FASN: variants seen among roughly 807,000 people sequenced by gnomAD.
The protein encoded by FASN is fatty acid synthase, also known as 3-hydroxyacyl-[acyl-carrier-protein] dehydratase.
FASN carries 50 observed loss-of-function variants against 250.0 expected under a neutral mutation model. That is an observed-to-expected ratio of 0.20 (90% CI 0.16 to 0.25). The LOEUF (loss-of-function observed/expected upper bound fraction) is 0.25, where lower values mean the gene tolerates loss of function less well. Ranked by LOEUF, FASN falls within the 10% of genes least tolerant of loss-of-function variation. The pLI is 1.00. For synonymous variants in FASN, 1,909 were observed against 1,584.0 expected (o/e 1.21, Z -4.87); for missense variants, 3,031 against 3,498.5 (o/e 0.87, Z 3.37).
chr17:82,081,871 G>A, intron 36 of FASN, 28 bp from the exon 37 acceptor site: 8 of 1,571,054 alleles, frequency 5.1e-6, no homozygotes, highest in Non-Finnish European at 6.9e-6. Context: ...GGTGGGCAGA[G>A]CTGCGGGGAG....
chr17:82,086,912 G>T, intron 21 of FASN, 138 bp downstream of exon 21: 1 of 925,302 alleles, frequency 1.1e-6, no homozygotes, highest in Non-Finnish European at 1.7e-6. Flanking sequence ...GCCATCGTGA[G>T]CTCCGGCCGG....
At chr17:82,081,053 A>G in intron 38 of FASN, 111 bp downstream of exon 38, 1 of 1,424,000 alleles carries the variant, frequency 7.0e-7, no homozygotes, top group Admixed American at 2.0e-5. Context: ...AACGCTCAGA[A>G]TGGCACCCGT....
At position 82,078,441 on chromosome 17, in the gene FASN, T is replaced by TA. The variant is rs1247293775; in HGVS notation, c.*701dup. On this transcript the variant is annotated 3_prime_UTR_variant, in exon 43 of 43. Coordinates refer to ENST00000306749, the MANE Select transcript of FASN (RefSeq NM_004104.5). This position sits in a 1 kb window ranked among gnomAD's most constrained non-coding sequence, Gnocchi z 5.4. The stretch of plus-strand genomic sequence containing the variant: ...CAGACGTGTACACTGACAGTTACAG[T>TA]AAATTTCAAAATCCAAGCAGCAATT... 3.3e-5 allele frequency: 5 copies of TA among 153,730 alleles called. No homozygotes were observed. Among genetic ancestry groups the TA allele is most frequent in the African/African-American group, 1.2e-4 (5 of 41,454 alleles). 9.5% of individuals were successfully genotyped at this position (153,730 alleles called of 1,614,324 possible).
rs1458375325 is a variant in FASN at position 82,088,887 on chromosome 17, C to G, written c.2305-11G>C. 6.2e-7 allele frequency: 1 copy of G among 1,611,652 alleles called. No homozygotes were observed. Among genetic ancestry groups the G allele is most frequent in the African/African-American group, 1.3e-5 (1 of 74,882 alleles). On this transcript the variant is annotated splice_polypyrimidine_tract_variant and intron_variant, in intron 14 of 42. Coordinates refer to ENST00000306749, the MANE Select transcript of FASN (RefSeq NM_004104.5). ...ACGCTTCAGGACAGCCTGGGGGCGG[C>G]AGGGCAGGTGGGCTCTCTTGGTGCT... is the stretch of plus-strand genomic sequence containing the variant.
At chr17:82,083,472 C>G (rs1709828396) in intron 31 of FASN, 45 bp downstream of exon 31, 2 of 1,612,612 alleles carry the variant, frequency 1.2e-6, no homozygotes, top group African/African-American at 2.7e-5. Context: ...CAGGTCCACC[C>G]ACACCCATCC....
Position 82,088,257 on chromosome 17 carries a change from C to T in FASN, c.2644G>A (p.Gly882Ser), listed in dbSNP as rs748305734. The T allele has an allele frequency of 4.3e-5, 69 of 1,606,612 alleles. No individual in the cohort carries two copies. The highest frequency in any genetic ancestry group is 5.3e-5 in the Non-Finnish European group (63 of 1,179,938). Residue 882 changes from glycine (G) to serine (S), a missense_variant, in exon 17 of 43, where the codon GGT becomes AGT. By Grantham distance (56) the Gly-to-Ser change is moderately conservative. Coordinates refer to ENST00000306749, the MANE Select transcript of FASN (RefSeq NM_004104.5). Reference sequence around the variant, plus strand: ...CCAGTGGCGGGGAAGAGGACGCGACCGTCGAGGGTGTGGTCCACCAGGTAG... The same window carrying T: ...CCAGTGGCGGGGAAGAGGACGCGACTGTCGAGGGTGTGGTCCACCAGGTAG... ...DHYLVDHTLD[G>S]RVLFPATGYL...
In FASN at chr17:82,081,356, G is replaced by C. The variant is rs753434164; in HGVS notation, c.6407-4C>G. 53 of 1,558,846 alleles carry C rather than the reference G, an allele frequency of 3.4e-5. 1 individual carries two copies. The South Asian group carries it at 6.0e-4, about 18-fold the overall frequency. On this transcript the variant is annotated splice_polypyrimidine_tract_variant and splice_region_variant and intron_variant, in intron 37 of 42. Coordinates refer to ENST00000306749, the MANE Select transcript of FASN (RefSeq NM_004104.5). The stretch of plus-strand genomic sequence containing the variant: ...ACAGCAGCCAAGTCGCGGATGCCTG[G>C]AAGGGATGCGCCGGGTCGGCAACTC...
Position 82,081,876 on chromosome 17 carries a change from G to A in FASN, c.6164-33C>T, listed in dbSNP as rs770702651. 7.8e-6 allele frequency: 12 copies of A among 1,545,814 alleles called. No individual in the cohort carries two copies. The East Asian group carries it at 9.4e-5, about 12-fold the overall frequency. ...GGAGGGGGCAGGTGGGCAGAGCTGC[G>A]GGGAGGTCGGGGTGGGGAGTGGCCA... On this transcript the variant is annotated intron_variant, in intron 36 of 42. Transcript: ENST00000306749.
rs377454819 is a variant in FASN at position 82,092,837 on chromosome 17, G to A, written c.779-25C>T. ...CCTGCGGAGGGCTCGGCTCAGTGCT[G>A]CAGCCCCAGCCCCGGCTCCCACCTG... On this transcript the variant is annotated intron_variant, in intron 6 of 42. Coordinates refer to ENST00000306749, the MANE Select transcript of FASN (RefSeq NM_004104.5). 5.1e-6 allele frequency: 8 copies of A among 1,584,044 alleles called. No homozygotes were observed. The South Asian group carries it at 6.9e-5, about 14-fold the overall frequency.
rs149982597 is a variant in FASN at position 82,091,278 on chromosome 17, C to A, written c.1436G>T (p.Gly479Val). The change falls in exon 9 of 43, where the codon GGC becomes GTC. Residue 479 changes from glycine to valine, a missense_variant. By Grantham distance (109) the Gly-to-Val change is moderately radical. Transcript: ENST00000306749. ...GYAVLGGERGGPEVQQVPAGE... is the reference protein window; with the variant it reads ...GYAVLGGERGVPEVQQVPAGE... Reference sequence around the variant, plus strand: ...AGCGGGCACCTGCTGCACCTCTGGGCCACCGCGCTCACCACCCAGCACAGC... The same window carrying A: ...AGCGGGCACCTGCTGCACCTCTGGGACACCGCGCTCACCACCCAGCACAGC... 9,490 of 1,606,734 alleles carry A rather than the reference C, an allele frequency of 5.9e-3. 36 individuals are homozygous for A. Among genetic ancestry groups the A allele is most frequent in the Non-Finnish European group, 7.2e-3 (8,457 of 1,177,318 alleles).
chr17:82,095,497 T>C, intron 2 of FASN, 25 bp from the exon 3 acceptor site: 1 of 1,609,778 alleles, frequency 6.2e-7, no homozygotes, highest in Non-Finnish European at 8.5e-7. Context: ...GGTGTTTAAA[T>C]CTCTGACGGA....
chr17:82,085,270 C>T lies in FASN; in HGVS notation c.4255G>A (p.Asp1419Asn), dbSNP rs202019027. ...GACTCCACCCAGCGGAAGCTGGTAT[C>T]GTCCACCGGCAGGAAGATGGGGCTG... ...QDSPIFLPVD[D>N]TSFRWVESLK... The change falls in exon 24 of 43, where the codon GAT becomes AAT. Residue 1419 changes from aspartate to asparagine, a missense_variant. Coordinates refer to ENST00000306749, the MANE Select transcript of FASN (RefSeq NM_004104.5). 2.0e-5 allele frequency: 33 copies of T among 1,611,588 alleles called. No individual in the cohort carries two copies. In the East Asian group the frequency reaches 3.1e-4, roughly 15 times the overall value.
At chr17:82,091,094 G>A in intron 9 of FASN, 25 bp from the exon 10 acceptor site, 1 of 1,608,428 alleles carries the variant, frequency 6.2e-7, no homozygotes, top group Non-Finnish European at 8.5e-7. Flanking sequence ...ACGTCACGAG[G>A]CTCAGCCCCA....
In FASN at chr17:82,092,744, C is replaced by T. The variant is rs568319818; in HGVS notation, c.847G>A (p.Ala283Thr). The change falls in exon 7 of 43, where the codon GCC becomes ACC. Residue 283 changes from alanine (A) to threonine (T), a missense_variant. Coordinates refer to ENST00000306749, the MANE Select transcript of FASN (RefSeq NM_004104.5). ...IRSLYQSAGV[A>T]PESFEYIEAH... ...TCGATGTATTCAAATGACTCAGGGGCCACTCCGGCCGACTGGTACAACGAG... is the reference window on the plus strand; with the variant it reads ...TCGATGTATTCAAATGACTCAGGGGTCACTCCGGCCGACTGGTACAACGAG... 1 of 1,604,650 alleles carries T rather than the reference C, an allele frequency of 6.2e-7. No homozygotes were observed. Among genetic ancestry groups the T allele is most frequent in the Non-Finnish European group, 8.5e-7 (1 of 1,177,504 alleles).
Position 82,092,584 on chromosome 17 carries a change from G to T in FASN, c.900C>A (p.Gly300=). 2 of 1,605,850 alleles carry T rather than the reference G, an allele frequency of 1.2e-6. No individual in the cohort carries two copies. The highest frequency in any genetic ancestry group is 1.7e-6 in the Non-Finnish European group (2 of 1,179,224). Residue 300 remains glycine, a synonymous_variant, in exon 8 of 43, where the codon GGC becomes GGA. Coordinates refer to ENST00000306749, the MANE Select transcript of FASN (RefSeq NM_004104.5). ...TGATGCCATTCAGCTCCTGGGGGTC[G>T]CCCACCTGTGGGAAACATGGGGGGT... is the stretch of plus-strand genomic sequence containing the variant. ...IEAHGTGTKV[G]DPQELNGITR... is the part of the protein sequence containing the mutation.
rs755685212 is a variant in FASN, at chr17:82,087,147, C to T, written c.3330G>A (p.Gln1110=). 2 of 1,610,768 alleles carry T rather than the reference C, an allele frequency of 1.2e-6. No individual in the cohort carries two copies. Among genetic ancestry groups the T allele is most frequent in the East Asian group, 4.5e-5 (2 of 44,808 alleles). ...AGCAAAACTTCTCCAGGATGGGCAC[C>T]TGCTGCTCCTGCTGCCGCCGCGGGG... ...ESAPRRQQEQ[Q]VPILEKFCFT... The change falls in exon 21 of 43, where the codon CAG becomes CAA. Residue 1110 remains glutamine (Q), a synonymous_variant. Transcript: ENST00000306749.
intron 1 of FASN, chr17:82,096,824 C>T (rs1276693252): frequency 2.9e-6 from 1 of 348,986 alleles, no homozygotes; most frequent in Non-Finnish European, 5.6e-6. Flanking sequence ...GAGCTTGTCC[C>T]AGGCCATCCC....
In FASN at chr17:82,085,630, G is replaced by T; in HGVS notation, c.3974C>A (p.Pro1325Gln). 1 of 1,596,154 alleles carries T rather than the reference G, an allele frequency of 6.3e-7. No homozygotes were observed. The highest frequency in any genetic ancestry group is 8.5e-7 in the Non-Finnish European group (1 of 1,172,246). The change falls in exon 23 of 43, where the codon CCG becomes CAG. Residue 1325 changes from proline (P) to glutamine (Q), a missense_variant. Physicochemically the swap from Pro to Gln is moderately conservative, Grantham distance 76. Transcript: ENST00000306749. ...CACCATGTTGCTGAGAGCTGAGGCCGGGTCCCCGAGGGCAGCCACAGCACA... is the reference window on the plus strand; with the variant it reads ...CACCATGTTGCTGAGAGCTGAGGCCTGGTCCCCGAGGGCAGCCACAGCACA... Reference protein sequence around the residue: ...CNCAVAALGDPASALSNMVAA... With the variant: ...CNCAVAALGDQASALSNMVAA...
rs1032745679 is a variant in FASN at position 82,079,492 on chromosome 17, C to G, written c.7263G>C (p.Arg2421=). 1 of 1,612,726 alleles carries G rather than the reference C, an allele frequency of 6.2e-7. No individual in the cohort carries two copies. Among genetic ancestry groups the G allele is most frequent in the Non-Finnish European group, 8.5e-7 (1 of 1,179,986 alleles). ...LDRQELSFAA[R]SFYYKLRAAE... ...CGGCACGCAGCTTGTAGTAGAAGGA[C>G]CGGGCCGCAAAGCTCAGCTCCTGGC... The change falls in exon 42 of 43, where the codon CGG becomes CGC. Residue 2421 remains arginine (R), a synonymous_variant. Coordinates refer to ENST00000306749, the MANE Select transcript of FASN (RefSeq NM_004104.5).
Sources: allele counts gnomAD v4.1 joint callset, GRCh38; gene constraint gnomAD v4.1.1; non-coding constraint Gnocchi (gnomAD v3.1); transcripts MANE v1.5; gene names NCBI Gene and HGNC (gene_info 2026-07-23, HGNC 2026-07-21).